Variants in CYP19A1 observed in about 807,000 individuals in gnomAD.
CYP19A1 encodes cytochrome P450 family 19 subfamily A member 1.
Under a neutral mutation model 44.4 loss-of-function variants are expected in CYP19A1, and 32 were observed. The observed-to-expected ratio is 0.72, with a 90% CI of 0.54 to 0.97. The LOEUF (loss-of-function observed/expected upper bound fraction) is 0.97, where lower values mean the gene tolerates loss of function less well. Ranked by LOEUF, CYP19A1 falls within the 50% of genes least tolerant of loss-of-function variation. The probability of loss-of-function intolerance (pLI) is 0.00; values close to 1 mark genes in which losing one functional copy is unlikely to be tolerated. For missense variants in CYP19A1, 598 were observed against 637.8 expected (o/e 0.94, Z 0.67); for synonymous variants, 212 against 215.6 (o/e 0.98, Z 0.14).
At chr15:51,331,287 T>C (rs1181063559) in intron 1 of CYP19A1, among the ~76,000 whole-genome samples, 1 of 152,194 alleles carries the variant, frequency 6.6e-6, no homozygotes, top group Non-Finnish European at 1.5e-5. Flanking sequence ...GCAGAGAGGC[T>C]GCCCCTGGAG....
intron 1 of CYP19A1, among the ~76,000 whole-genome samples, chr15:51,331,314 G>A (rs1053790224): frequency 1.3e-5 from 2 of 152,204 alleles, no homozygotes; most frequent in Non-Finnish European, 2.9e-5. Flanking sequence ...AGCCACGTGA[G>A]AGTAGACTAG....
chr15:51,325,648 G>A (rs372294119), intron 1 of CYP19A1, among the ~76,000 whole-genome samples: 25 of 152,100 alleles, frequency 1.6e-4, no homozygotes, highest in East Asian at 1.4e-3. Context: ...GACCATCCTG[G>A]CTAACACGGT....
chr15:51,285,663 A>C (rs1450958887), intron 1 of CYP19A1, among the ~76,000 whole-genome samples: 2 of 152,186 alleles, frequency 1.3e-5, no homozygotes, highest in Non-Finnish European at 2.9e-5. Flanking sequence ...AAGTAGGAGA[A>C]TATATTCCAT....
intron 1 of CYP19A1, among the ~76,000 whole-genome samples, chr15:51,317,246 C>T (rs2036443297): frequency 6.6e-6 from 1 of 152,044 alleles, no homozygotes; most frequent in South Asian, 2.1e-4. Context: ...GGACTACAGG[C>T]CTCCACCACC....
chr15:51,215,317 A>G (rs2031463463), intron 7 of CYP19A1, 85 bp from the exon 8 acceptor site: 1 of 1,583,512 alleles, frequency 6.3e-7, no homozygotes, highest in Non-Finnish European at 8.6e-7. Context: ...AGGATCAACA[A>G]CCTCAACAAA....
intron 1 of CYP19A1, among the ~76,000 whole-genome samples, chr15:51,297,734 A>C (rs191683540): frequency 6.6e-6 from 1 of 151,244 alleles, no homozygotes; most frequent in African/African-American, 2.4e-5. Context: ...CAAATCTCCT[A>C]TATTGGCAAT....
intron 1 of CYP19A1, among the ~76,000 whole-genome samples, chr15:51,316,778 A>C (rs1439128285): frequency 6.6e-6 from 1 of 152,120 alleles, no homozygotes; most frequent in East Asian, 1.9e-4. Context: ...GCAGTTAAAA[A>C]CTATATTCCC....
chr15:51,257,094 C>T (rs1348377804), intron 1 of CYP19A1, among the ~76,000 whole-genome samples: 1 of 152,188 alleles, frequency 6.6e-6, no homozygotes, highest in African/African-American at 2.4e-5. Context: ...CAGCAGCCTC[C>T]CCCTTTCTCT....
At chr15:51,251,868 C>T (rs2034323365) in intron 1 of CYP19A1, among the ~76,000 whole-genome samples, 1 of 152,184 alleles carries the variant, frequency 6.6e-6, no homozygotes, top group African/African-American at 2.4e-5. Context: ...TCCTAGCTGA[C>T]CCCAGAGTGC....
At chr15:51,245,951 T>C (rs1472010940) in intron 1 of CYP19A1, among the ~76,000 whole-genome samples, 1 of 152,250 alleles carries the variant, frequency 6.6e-6, no homozygotes, top group Non-Finnish European at 1.5e-5. Flanking sequence ...CATGCCATTT[T>C]GCTCCCTATT....
At chr15:51,329,632 G>A (rs187910955) in intron 1 of CYP19A1, among the ~76,000 whole-genome samples, 5 of 152,318 alleles carry the variant, frequency 3.3e-5, no homozygotes, top group African/African-American at 1.2e-4. Flanking sequence ...GTGGGCAGAG[G>A]GTGCTGCTGG....
chr15:51,283,341 T>C (rs1156603050), intron 1 of CYP19A1, among the ~76,000 whole-genome samples: 1 of 152,198 alleles, frequency 6.6e-6, no homozygotes, highest in Non-Finnish European at 1.5e-5. Flanking sequence ...ACCACTCCTG[T>C]AGTTGCAACA....
chr15:51,307,336 T>C (rs1166329548), intron 1 of CYP19A1, among the ~76,000 whole-genome samples: 6 of 152,204 alleles, frequency 3.9e-5, no homozygotes, highest in Non-Finnish European at 8.8e-5. Flanking sequence ...GAAAATCTAT[T>C]GATGTCACAA....
chr15:51,254,945 T>C (rs1203867976), intron 1 of CYP19A1, among the ~76,000 whole-genome samples: 2 of 152,140 alleles, frequency 1.3e-5, no homozygotes, highest in East Asian at 3.9e-4. Context: ...AATTTCCTGT[T>C]AGTTGGCTAA....
intron 1 of CYP19A1, chr15:51,312,686 A>T (rs1163683047): frequency 6.6e-6 from 1 of 152,268 alleles, no homozygotes; most frequent in Non-Finnish European, 1.5e-5. Flanking sequence ...AGATAGAAAC[A>T]TGTTGCTGAG....
At position 51,209,360 on chromosome 15, in the gene CYP19A1, A is replaced by C. The variant is rs562381266; in HGVS notation, c.*1448T>G. 1.5e-4 allele frequency: 23 copies of C among 152,348 alleles called. 1 individual carries two copies. The highest frequency in any genetic ancestry group is 5.3e-4 in the African/African-American group (22 of 41,578). 9.4% of individuals were successfully genotyped at this position (152,348 alleles called of 1,614,324 possible). On this transcript the variant is annotated 3_prime_UTR_variant, in exon 10 of 10. Coordinates refer to ENST00000396402, the MANE Select transcript of CYP19A1 (RefSeq NM_000103.4). ...TGGAAATAGATTACAAAAGAAAGAA[A>C]GTAGCTCCTGCTTTCAGGGAGATTA...
At chr15:51,253,419 G>A (rs1057232723) in intron 1 of CYP19A1, among the ~76,000 whole-genome samples, 1 of 152,188 alleles carries the variant, frequency 6.6e-6, no homozygotes, top group African/African-American at 2.4e-5. Context: ...AGAACATGGA[G>A]CAGGTTGGGG....
intron 1 of CYP19A1, among the ~76,000 whole-genome samples, chr15:51,307,766 C>T (rs1039522273): frequency 6.6e-6 from 1 of 152,178 alleles, no homozygotes; most frequent in Non-Finnish European, 1.5e-5. Flanking sequence ...GTGATTAGCC[C>T]TAATGCCAGT....
chr15:51,234,611 A>G (rs1301444579), intron 3 of CYP19A1, among the ~76,000 whole-genome samples: 1 of 151,994 alleles, frequency 6.6e-6, no homozygotes, highest in Non-Finnish European at 1.5e-5. Flanking sequence ...TCTTTACTCC[A>G]GTTCTAGTCT....
Sources: gnomAD v4.1 joint callset for allele counts (sites outside exome capture counted in the v4.1 genomes callset) on GRCh38, gnomAD v4.1.1 for gene constraint, MANE v1.5 for transcripts, NCBI Gene and HGNC (gene_info 2026-07-23, HGNC 2026-07-21) for gene names.